Variants in DPP10 observed in about 807,000 individuals in gnomAD.
The protein encoded by DPP10 is dipeptidyl peptidase like 10, also known as inactive dipeptidyl peptidase 10.
Under a neutral mutation model 120.9 loss-of-function variants are expected in DPP10, and 33 were observed. The observed-to-expected ratio is 0.27, with a 90% confidence interval of 0.21 to 0.37. DPP10 has a LOEUF of 0.37. Ranked by LOEUF, DPP10 falls within the 10% of genes least tolerant of loss-of-function variation. DPP10 has a pLI of 1.00. For synonymous variants in DPP10, 337 were observed against 326.1 expected (o/e 1.03, Z -0.36); for missense variants, 816 against 942.8 (o/e 0.87, Z 1.76).
At chr2:115,184,388 A>C (rs996238172) in intron 1 of DPP10, among the ~76,000 whole-genome samples, 1 of 152,206 alleles carries the variant, frequency 6.6e-6, no homozygotes, top group African/African-American at 2.4e-5. Context: ...TAGAAGGGGA[A>C]AGTAAAGAAA....
chr2:115,172,549 C>T (rs1053990117), intron 1 of DPP10, among the ~76,000 whole-genome samples: 1 of 151,966 alleles, frequency 6.6e-6, no homozygotes, highest in Non-Finnish European at 1.5e-5. Context: ...GTGGATAGAC[C>T]CAGGGATTTC....
intron 5 of DPP10, among the ~76,000 whole-genome samples, chr2:115,612,149 A>G (rs1315329999): frequency 2.0e-5 from 3 of 152,144 alleles, no homozygotes; most frequent in East Asian, 3.9e-4. Flanking sequence ...AACCAAATCC[A>G]TATTTTTATA....
chr2:114,497,191 ATGTGTATGCATGTGTACATATACG>A (rs1573492596), intron 1 of DPP10, among the ~76,000 whole-genome samples: 3 of 149,052 alleles, frequency 2.0e-5, no homozygotes, highest in East Asian at 2.0e-4. Flanking sequence ...ACGTGTATAC[ATGTGTATGCATGTGTACATATACG>A]TGTGTATGCA....
At chr2:115,049,452 C>T (rs1436006118) in intron 1 of DPP10, among the ~76,000 whole-genome samples, 5 of 152,082 alleles carry the variant, frequency 3.3e-5, no homozygotes, top group Non-Finnish European at 7.4e-5. Flanking sequence ...CATTTCTTGT[C>T]TTTATCTATG....
At chr2:114,927,884 G>T (rs1204704912) in intron 1 of DPP10, among the ~76,000 whole-genome samples, 2 of 152,152 alleles carry the variant, frequency 1.3e-5, no homozygotes, top group Non-Finnish European at 2.9e-5. Context: ...GCCAGTATGT[G>T]CAGAGATCAC....
At chr2:115,432,659 TTGTGTGTGTG>T (rs59844767) in intron 3 of DPP10, among the ~76,000 whole-genome samples, 21 of 137,756 alleles carry the variant, frequency 1.5e-4, no homozygotes, top group South Asian at 4.8e-4. Context: ...ATAGGCAATT[TTGTGTGTGTG>T]TGTGTGTGTG....
intron 1 of DPP10, among the ~76,000 whole-genome samples, chr2:114,702,775 C>G (rs1053041972): frequency 2.0e-5 from 3 of 152,094 alleles, no homozygotes; most frequent in African/African-American, 7.2e-5. Context: ...CTGCCTCTTT[C>G]CTAAGAACAG....
At position 114,853,083 on chromosome 2, in the gene DPP10, G is replaced by A. The variant is rs78652838; in HGVS notation, c.60+410245G>A. Among the ~76,000 whole-genome samples the A allele has an allele frequency of 8.9e-3, 1,356 of 152,160 alleles. 22 individuals carry two copies. The highest frequency in any genetic ancestry group is 0.031 in the African/African-American group (1,279 of 41,508). ...AGAAGCCAGAGAAATAGACTTTCAT[G>A]GTATGATTTGTATAAATAAATTTGA... On this transcript the variant is annotated intron_variant, in intron 1 of 25. Transcript: ENST00000410059.
intron 4 of DPP10, among the ~76,000 whole-genome samples, chr2:115,525,580 G>A (rs543208678): frequency 4.7e-4 from 72 of 151,594 alleles, no homozygotes; most frequent in Non-Finnish European, 9.9e-4. Context: ...AATTATAAAA[G>A]CATTTTGGTT....
chr2:114,970,528 G>C (rs945566589), intron 1 of DPP10, among the ~76,000 whole-genome samples: 3 of 145,642 alleles, frequency 2.1e-5, no homozygotes, highest in African/African-American at 7.5e-5. Context: ...AGGCCAGATA[G>C]TGGCTAATCT....
At chr2:115,649,041 G>C (rs568470528) in intron 5 of DPP10, among the ~76,000 whole-genome samples, 2 of 152,194 alleles carry the variant, frequency 1.3e-5, no homozygotes, top group South Asian at 4.1e-4. Context: ...TCTTTAAAAT[G>C]TGTCTTTCCA....
In DPP10 at chr2:114,857,830, C is replaced by A. The variant is rs1448074733; in HGVS notation, c.60+414992C>A. Among the ~76,000 whole-genome samples the A allele has an allele frequency of 2.0e-5, 3 of 152,112 alleles. No homozygotes were observed. The East Asian group carries it at 5.8e-4, about 29-fold the overall frequency. On this transcript the variant is annotated intron_variant, in intron 1 of 25. Transcript: ENST00000410059. Reference sequence around the variant, plus strand: ...ATGAACTCTCCTAAGAAGCAATTGTCCTTACTTTAATCAGCATTCACTGTG... The same window carrying A: ...ATGAACTCTCCTAAGAAGCAATTGTACTTACTTTAATCAGCATTCACTGTG...
chr2:114,796,308 C>G (rs1201251884), intron 1 of DPP10, among the ~76,000 whole-genome samples: 1 of 152,152 alleles, frequency 6.6e-6, no homozygotes, highest in African/African-American at 2.4e-5. Flanking sequence ...AGATTGAGGT[C>G]TGCAGATGGA....
chr2:115,062,287 A>G (rs551009942), intron 1 of DPP10, among the ~76,000 whole-genome samples: 48 of 152,100 alleles, frequency 3.2e-4, no homozygotes, highest in Non-Finnish European at 5.7e-4. Context: ...ACATTTAAGG[A>G]TCAGTAAATT....
intron 3 of DPP10, among the ~76,000 whole-genome samples, chr2:115,477,578 A>G (rs2075167475): frequency 6.6e-6 from 1 of 152,194 alleles, no homozygotes; most frequent in African/African-American, 2.4e-5. Flanking sequence ...ATAATGTCCA[A>G]AACAATATAC....
At chr2:114,554,256 T>C (rs1338929076) in intron 1 of DPP10, among the ~76,000 whole-genome samples, 1 of 152,228 alleles carries the variant, frequency 6.6e-6, no homozygotes, top group East Asian at 1.9e-4. Context: ...CTCCTTAAGA[T>C]GTCAACAACA....
intron 1 of DPP10, among the ~76,000 whole-genome samples, chr2:114,885,406 C>G (rs992757270): frequency 6.6e-6 from 1 of 152,136 alleles, no homozygotes; most frequent in African/African-American, 2.4e-5. Flanking sequence ...ACCAGGTCCC[C>G]CCTTCAGTAC....
intron 1 of DPP10, among the ~76,000 whole-genome samples, chr2:114,840,831 A>G (rs1361309775): frequency 6.6e-6 from 1 of 152,148 alleles, no homozygotes; most frequent in African/African-American, 2.4e-5. Context: ...ATTTTCCCTG[A>G]ACCTTATATG....
At chr2:115,378,622 TC>T (rs1415397947) in intron 3 of DPP10, among the ~76,000 whole-genome samples, 1 of 150,148 alleles carries the variant, frequency 6.7e-6, no homozygotes, top group African/African-American at 2.5e-5. Flanking sequence ...GACATCCCTG[TC>T]TTGTGTCAGT....
Sources: gnomAD v4.1 joint callset for allele counts (sites outside exome capture counted in the v4.1 genomes callset) on GRCh38, gnomAD v4.1.1 for gene constraint, MANE v1.5 for transcripts, NCBI Gene and HGNC (gene_info 2026-07-23, HGNC 2026-07-21) for gene names.